Variants in SGCD observed in about 807,000 individuals in gnomAD.
SGCD encodes delta-sarcoglycan.
SGCD carries 18 observed loss-of-function variants against 36.6 expected under a neutral mutation model. The ratio of observed to expected loss-of-function variants is 0.49; its 90% CI spans 0.34 to 0.73. SGCD has a LOEUF of 0.73. SGCD is among the 30% of genes least tolerant of loss of function. The pLI is 0.01. For missense variants in SGCD, 387 were observed against 346.7 expected (o/e 1.12, Z -0.92); for synonymous variants, 133 against 130.6 (o/e 1.02, Z -0.12).
At chr5:155,812,779 A>C in the SGCD span, among the ~76,000 whole-genome samples, 2 of 152,272 alleles carry the variant, frequency 1.3e-5, no homozygotes, top group East Asian at 3.9e-4. Flanking sequence ...ATTCACAAAA[A>C]TCTACTTTTT....
intron 4 of SGCD, among the ~76,000 whole-genome samples, chr5:156,575,761 AT>A (rs1228316696): frequency 2.0e-5 from 3 of 152,200 alleles, no homozygotes; most frequent in East Asian, 1.9e-4. Context: ...GCAAAAAAAA[AT>A]ATGATTAAAT....
chr5:156,418,094 A>T (rs1411317744), intron 3 of SGCD, among the ~76,000 whole-genome samples: 1 of 152,200 alleles, frequency 6.6e-6, no homozygotes, highest in African/African-American at 2.4e-5. Context: ...CAGATGGAGA[A>T]GCTGAAGCCC....
rs1014946077 is a variant in SGCD, at chr5:156,305,508, C to G, written c.-43-24026C>G. 5.3e-5 allele frequency among the ~76,000 whole-genome samples: 8 copies of G among 152,144 alleles called. 1 individual carries two copies. The highest frequency in any genetic ancestry group is 5.2e-4 in the Admixed American group (8 of 15,274). On this transcript the variant is annotated intron_variant, in intron 3 of 9. Coordinates refer to the SGCD transcript ENST00000517913. ...ATGGAAATGCCTGGATACAGAGACA[C>G]AAGTGTGCTGCAGGAGTGGGGCCCT...
intron 1 of SGCD, among the ~76,000 whole-genome samples, chr5:156,008,680 T>C (rs1199170897): frequency 5.3e-5 from 8 of 152,200 alleles, no homozygotes; most frequent in African/African-American, 1.2e-4. Context: ...CCAGCCTACA[T>C]TGTCTTCTTA....
At chr5:155,887,430 G>C (rs543278264) in intron 1 of SGCD, among the ~76,000 whole-genome samples, 9 of 152,170 alleles carry the variant, frequency 5.9e-5, no homozygotes, top group Non-Finnish European at 1.3e-4. Context: ...AACTAACTAC[G>C]CAAACTTCTC....
rs546977273 is a variant in SGCD at position 156,030,417 on chromosome 5, T to C, written c.-281-87461T>C. Among the ~76,000 whole-genome samples, 6 of 152,138 alleles carry C rather than the reference T, an allele frequency of 3.9e-5. No individual in the cohort carries two copies. In the South Asian group the frequency reaches 1.2e-3, roughly 32 times the overall value. On this transcript the variant is annotated intron_variant, in intron 1 of 9. Transcript: ENST00000517913. ...TGCCAGGTGACGGCAGAGGCAGAGA[T>C]GAGAGTGGCATGTCTACAAGCCAAG...
At chr5:155,732,641 T>C in the SGCD span, among the ~76,000 whole-genome samples, 2 of 152,162 alleles carry the variant, frequency 1.3e-5, no homozygotes, top group Admixed American at 6.5e-5. Context: ...TGGCTAATCA[T>C]CAAGGTCACT....
intron 3 of SGCD, among the ~76,000 whole-genome samples, chr5:156,420,721 A>G (rs1546362): frequency 0.026 from 3,922 of 152,284 alleles, 187 homozygotes; most frequent in African/African-American, 0.089. Flanking sequence ...TTTACTGTGT[A>G]ATTGCTAAGA....
intron 1 of SGCD, among the ~76,000 whole-genome samples, chr5:156,079,109 G>T (rs1425696180): frequency 6.6e-6 from 1 of 151,928 alleles, no homozygotes; most frequent in Non-Finnish European, 1.5e-5. Flanking sequence ...GGAAGGCAAA[G>T]GGGGAGGAGG....
intron 2 of SGCD, among the ~76,000 whole-genome samples, chr5:156,341,249 A>G (rs1023554133): frequency 2.6e-5 from 4 of 152,192 alleles, no homozygotes; most frequent in African/African-American, 9.7e-5. Flanking sequence ...CCCAGGAGCA[A>G]AGGATTCTGC....
intron 6 of SGCD, among the ~76,000 whole-genome samples, chr5:156,596,739 A>G (rs1370288431): frequency 1.3e-5 from 2 of 151,884 alleles, no homozygotes; most frequent in African/African-American, 4.8e-5. Flanking sequence ...CCAGTCTGGT[A>G]TCTTCCTTGA....
At chr5:156,535,090 CA>C (rs1310064275) in intron 4 of SGCD, among the ~76,000 whole-genome samples, 1 of 152,124 alleles carries the variant, frequency 6.6e-6, no homozygotes, top group African/African-American at 2.4e-5. Flanking sequence ...TTCCAGAAGC[CA>C]AAAGCCATTT....
In SGCD at chr5:156,630,007, A is replaced by G. The variant is rs547186211; in HGVS notation, c.503-17457A>G. On this transcript the variant is annotated intron_variant, in intron 6 of 8. Coordinates refer to ENST00000337851, the MANE Select transcript of SGCD (RefSeq NM_000337.6). ...CTCCTCAGTAGCTGGGATTACAGGC[A>G]TGTGCCACCATGCCCAGCTAATTTT... Among the ~76,000 whole-genome samples the G allele has an allele frequency of 2.5e-3, 380 of 151,910 alleles. 1 individual carries two copies. The highest frequency in any genetic ancestry group is 8.7e-3 in the African/African-American group (361 of 41,426).
chr5:156,413,222 G>A (rs1055276810), intron 3 of SGCD, among the ~76,000 whole-genome samples: 1 of 152,236 alleles, frequency 6.6e-6, no homozygotes, highest in African/African-American at 2.4e-5. Context: ...TACTGAGATG[G>A]AGAGCAAAGG....
intron 3 of SGCD, among the ~76,000 whole-genome samples, chr5:156,320,212 C>T (rs908430643): frequency 2.6e-5 from 4 of 151,574 alleles, no homozygotes; most frequent in African/African-American, 9.7e-5. Context: ...AAGAAGTTTA[C>T]CATTAGCTTG....
chr5:155,953,374 C>T (rs1049558184), intron 1 of SGCD, among the ~76,000 whole-genome samples: 3 of 151,970 alleles, frequency 2.0e-5, no homozygotes, highest in Non-Finnish European at 4.4e-5. Context: ...CTTACAGGAA[C>T]ATGATTGTAC....
At chr5:156,632,915 A>G (rs1225388523) in intron 6 of SGCD, among the ~76,000 whole-genome samples, 2 of 152,332 alleles carry the variant, frequency 1.3e-5, no homozygotes, top group African/African-American at 2.4e-5. Context: ...AATCCACCCC[A>G]GCTAGGTCAT....
intron 1 of SGCD, among the ~76,000 whole-genome samples, chr5:155,896,588 G>A (rs1756266406): frequency 6.6e-6 from 1 of 151,790 alleles, no homozygotes; most frequent in Non-Finnish European, 1.5e-5. Context: ...CAAGGCTGCA[G>A]TGACTTGTAA....
At chr5:156,147,466 G>T (rs76019925) in intron 3 of SGCD, among the ~76,000 whole-genome samples, 6,604 of 152,220 alleles carry the variant, frequency 0.043, 216 homozygotes, top group Non-Finnish European at 0.067. Flanking sequence ...GCATTTCCAT[G>T]TCATACATCT....
Sources: gnomAD v4.1 joint callset for allele counts (sites outside exome capture counted in the v4.1 genomes callset) on GRCh38, gnomAD v4.1.1 for gene constraint, MANE v1.5 for transcripts, NCBI Gene and HGNC (gene_info 2026-07-23, HGNC 2026-07-21) for gene names.